LDHB: variants seen among roughly 807,000 people sequenced by gnomAD.
The protein encoded by LDHB is L-lactate dehydrogenase B chain.
A neutral mutation model predicts 33.4 loss-of-function variants in LDHB; 18 were observed. The ratio of observed to expected loss-of-function variants is 0.54; its 90% CI spans 0.37 to 0.80. The LOEUF (loss-of-function observed/expected upper bound fraction) is 0.80, where lower values mean the gene tolerates loss of function less well. LDHB is among the 30% of genes least tolerant of loss of function. LDHB has a pLI of 0.00. For missense variants in LDHB, 345 were observed against 407.9 expected (o/e 0.85, Z 1.33); for synonymous variants, 121 against 140.6 (o/e 0.86, Z 0.98).
At chr12:21,644,453 A>AAAACC (rs1938468676) in intron 3 of LDHB, among the ~76,000 whole-genome samples, 1 of 113,148 alleles carries the variant, frequency 8.8e-6, no homozygotes, top group African/African-American at 3.3e-5. Context: ...AAACAAAAAC[A>AAAACC]AAAACCAATT....
Position 21,638,459 on chromosome 12 carries a change from TCCACACAGC to T in LDHB, c.598_606del (p.Ala200_Trp202del). The T allele has an allele frequency of 6.4e-7, 1 of 1,550,496 alleles. No individual in the cohort carries two copies. The highest frequency in any genetic ancestry group is 8.8e-7 in the Non-Finnish European group (1 of 1,136,864). On this transcript the variant is annotated inframe_deletion and splice_region_variant, in exon 6 of 8. Transcript: ENST00000350669. Reference sequence around the variant, plus strand: ...GAAACACCTGCCACATTCACACCACTCCACACAGCCACTGTTTAAAAAAAAAAAAAAAGA... The same window carrying T: ...GAAACACCTGCCACATTCACACCACTCACTGTTTAAAAAAAAAAAAAAAGA...
intron 3 of LDHB, among the ~76,000 whole-genome samples, 164 bp from the exon 4 acceptor site, chr12:21,644,272 TTC>T (rs1938453552): frequency 6.6e-6 from 1 of 151,344 alleles, no homozygotes; most frequent in Non-Finnish European, 1.5e-5. Flanking sequence ...TTCCTGTGGC[TTC>T]TTTTTTCTCC....
At chr12:21,637,352 T>A in intron 6 of LDHB, 158 bp from the exon 7 acceptor site, 1 of 617,090 alleles carries the variant, frequency 1.6e-6, no homozygotes, top group Non-Finnish European at 2.9e-6. Flanking sequence ...AATGAATTAA[T>A]ATATATGTAA....
chr12:21,636,345 A>AT (rs1938216397), intron 7 of LDHB, among the ~76,000 whole-genome samples: 1 of 134,620 alleles, frequency 7.4e-6, no homozygotes, highest in South Asian at 2.3e-4. Context: ...AAGAATTGCT[A>AT]AAAAAAAAAA....
Position 21,643,979 on chromosome 12 carries a change from A to T in LDHB, c.377T>A (p.Val126Asp). The change falls in exon 4 of 8, where the codon GTC (valine) becomes GAC (aspartate). Residue 126 changes from valine (V) to aspartate (D), a missense_variant. Coordinates refer to ENST00000350669, the MANE Select transcript of LDHB (RefSeq NM_002300.8). The part of the protein sequence containing the change: ...NVFKFIIPQI[V>D]KYSPDCIIIV... ...TATGATGCAATCAGGACTGTACTTG[A>T]CGATCTGAGGAATAATGAATTTGAA... 1 of 1,613,250 alleles carries T rather than the reference A, an allele frequency of 6.2e-7. No individual in the cohort carries two copies. Among genetic ancestry groups the T allele is most frequent in the Non-Finnish European group, 8.5e-7 (1 of 1,179,202 alleles).
chr12:21,643,729 C>T (rs970337003), intron 4 of LDHB: 25 of 562,686 alleles, frequency 4.4e-5, no homozygotes, highest in Non-Finnish European at 6.9e-5. Flanking sequence ...ATTGCTTTAG[C>T]TAAAACTCTT....
chr12:21,636,917 C>T (rs1400856092), intron 7 of LDHB, among the ~76,000 whole-genome samples, 154 bp downstream of exon 7: 1 of 152,096 alleles, frequency 6.6e-6, no homozygotes, highest in Non-Finnish European at 1.5e-5. Context: ...CTGTCCAAGA[C>T]TTCTGTTGGA....
intron 3 of LDHB, among the ~76,000 whole-genome samples, chr12:21,646,176 G>C (rs1213035147): frequency 1.3e-5 from 2 of 152,184 alleles, no homozygotes; most frequent in African/African-American, 4.8e-5. Flanking sequence ...GAGGAGAGGA[G>C]AATGATGAGC....
At chr12:21,640,691 T>A (rs1291570483) in intron 5 of LDHB, among the ~76,000 whole-genome samples, 1 of 152,108 alleles carries the variant, frequency 6.6e-6, no homozygotes, top group Non-Finnish European at 1.5e-5. Flanking sequence ...TATGCCCTGA[T>A]CCTGGTTTCT....
intron 3 of LDHB, among the ~76,000 whole-genome samples, chr12:21,645,279 C>T (rs1232828476): frequency 5.3e-5 from 8 of 152,136 alleles, no homozygotes; most frequent in Non-Finnish European, 1.0e-4. Context: ...CAGGTATTGT[C>T]CAAGGTTTCT....
chr12:21,644,869 T>C (rs1032082589), intron 3 of LDHB, among the ~76,000 whole-genome samples: 1 of 152,184 alleles, frequency 6.6e-6, no homozygotes, highest in African/African-American at 2.4e-5. Flanking sequence ...TTTCACACAG[T>C]ACCCAGAATG....
In LDHB at chr12:21,642,030, A is replaced by G; in HGVS notation, c.517T>C (p.Tyr173His). Residue 173 changes from tyrosine to histidine, a missense_variant, in exon 5 of 8, where the codon TAC (tyrosine) becomes CAC (histidine). Tyr to His is a moderately conservative substitution (Grantham distance 83). Transcript: ENST00000350669. Reference sequence around the variant, plus strand: ...ATGCCAAGTTTTTCAGCCATAAGGTAGCGAAATCTAGCAGAATCCAGATTA... The same window carrying G: ...ATGCCAAGTTTTTCAGCCATAAGGTGGCGAAATCTAGCAGAATCCAGATTA... ...GCNLDSARFRYLMAEKLGIHP... is the reference protein window; with the variant it reads ...GCNLDSARFRHLMAEKLGIHP... 1 of 1,613,628 alleles carries G rather than the reference A, an allele frequency of 6.2e-7. No homozygotes were observed. Among genetic ancestry groups the G allele is most frequent in the South Asian group, 1.1e-5 (1 of 91,058 alleles).
intron 7 of LDHB, 119 bp from the exon 8 acceptor site, chr12:21,635,828 A>C: frequency 1.2e-6 from 1 of 829,068 alleles, no homozygotes; most frequent in East Asian, 2.6e-5. Flanking sequence ...TCAGTGAGCT[A>C]TGACAGCGGT....
At chr12:21,637,466 A>G (rs978776291) in intron 6 of LDHB, 14 of 306,200 alleles carry the variant, frequency 4.6e-5, no homozygotes, top group African/African-American at 2.4e-4. Context: ...TGGCAAAAAT[A>G]TACATTTTCC....
chr12:21,655,039 T>G (rs1488258896), intron 1 of LDHB, among the ~76,000 whole-genome samples: 1 of 152,048 alleles, frequency 6.6e-6, no homozygotes, highest in African/African-American at 2.4e-5. Flanking sequence ...GAGAATCACT[T>G]GAACCCAGGA....
At chr12:21,652,654 T>C (rs145796013) in intron 2 of LDHB, among the ~76,000 whole-genome samples, 127 of 144,512 alleles carry the variant, frequency 8.8e-4, no homozygotes, top group South Asian at 7.9e-3. Context: ...TCCTAAATGA[T>C]AGTTACCTAG....
rs748566881 is a variant in LDHB at position 21,654,337 on chromosome 12, CTATT to C, written c.129+202_129+205del. 7.5e-5 allele frequency: 43 copies of C among 573,164 alleles called. No homozygotes were observed. In the Middle Eastern group the frequency reaches 1.4e-3, roughly 19 times the overall value. The allele number at this position is 573,164 out of a possible 1,614,324, so 35.5% of individuals were successfully genotyped here. On this transcript the variant is annotated intron_variant, in intron 2 of 7. Coordinates refer to ENST00000350669, the MANE Select transcript of LDHB (RefSeq NM_002300.8). ...GTGTTAAATTCTCTAAGTGTAGTAA[CTATT>C]TATGGTCACATAGGGAGAATATAAT...
chr12:21,645,298 GAT>G (rs1358150172), intron 3 of LDHB, among the ~76,000 whole-genome samples: 1 of 152,150 alleles, frequency 6.6e-6, no homozygotes, highest in Non-Finnish European at 1.5e-5. Context: ...CTCCCCACGT[GAT>G]AGTCTGAAAT....
intron 1 of LDHB, among the ~76,000 whole-genome samples, chr12:21,656,045 T>C (rs117502213): frequency 0.011 from 1,683 of 152,332 alleles, 14 homozygotes; most frequent in Non-Finnish European, 0.018. Context: ...GAGGTCACCA[T>C]ACCTGTCTCA....
Sources: gnomAD v4.1 joint callset for allele counts (sites outside exome capture counted in the v4.1 genomes callset) on GRCh38, gnomAD v4.1.1 for gene constraint, MANE v1.5 for transcripts, NCBI Gene and HGNC (gene_info 2026-07-23, HGNC 2026-07-21) for gene names.